Variants in MYL3 observed in about 807,000 individuals in gnomAD.
MYL3 encodes myosin light chain 3, also known as CMLC1.
In MYL3, 11 loss-of-function variants were observed where a neutral mutation model predicts 21.3. The ratio of observed to expected loss-of-function variants is 0.52; its 90% CI spans 0.32 to 0.85. The LOEUF (loss-of-function observed/expected upper bound fraction) is 0.85, where lower values mean the gene tolerates loss of function less well. Among genes scored for constraint, MYL3 ranks in the 40% least tolerant of loss-of-function variants. MYL3 has a pLI of 0.03. For synonymous variants in MYL3, 88 were observed against 91.6 expected (o/e 0.96, Z 0.22); for missense variants, 206 against 253.3 (o/e 0.81, Z 1.27).
intron 1 of MYL3, among the ~76,000 whole-genome samples, chr3:46,871,218 G>A (rs1242546382): frequency 6.6e-6 from 1 of 152,056 alleles, no homozygotes; most frequent in Non-Finnish European, 1.5e-5. Flanking sequence ...CAGAAATCAG[G>A]GAACCCTACC....
intron 1 of MYL3, chr3:46,880,927 C>G (rs2030517728): frequency 6.6e-6 from 1 of 152,140 alleles, no homozygotes; most frequent in Admixed American, 6.5e-5. Flanking sequence ...TTGCAGGCTC[C>G]GAGGAGCTCA....
rs1559520468 is a variant in MYL3, at chr3:46,860,924, A to G, written c.157+36T>C. 6.2e-7 allele frequency: 1 copy of G among 1,613,856 alleles called. No homozygotes were observed. The highest frequency in any genetic ancestry group is 8.5e-7 in the Non-Finnish European group (1 of 1,179,960). ...CCCTCAGACCAGGGAACCCCAGCCCAATCCTGCAACCCCTGGGTTCAAGAC... is the reference window on the plus strand; with the variant it reads ...CCCTCAGACCAGGGAACCCCAGCCCGATCCTGCAACCCCTGGGTTCAAGAC... On this transcript the variant is annotated intron_variant, in intron 2 of 6. Coordinates refer to ENST00000292327, the MANE Select transcript of MYL3 (RefSeq NM_000258.3). The surrounding 1 kb of genome is among the most constrained non-coding windows in gnomAD (Gnocchi z 4.6).
chr3:46,870,387 G>A (rs1702097656), intron 1 of MYL3, among the ~76,000 whole-genome samples: 2 of 151,912 alleles, frequency 1.3e-5, no homozygotes, highest in Admixed American at 1.3e-4. Flanking sequence ...ACAGGAGGGT[G>A]ACAAGAAGGC....
upstream of MYL3, among the ~76,000 whole-genome samples, chr3:46,866,793 C>T (rs887662347): frequency 6.6e-6 from 1 of 152,172 alleles, no homozygotes. Context: ...GACAGTAGTG[C>T]GGCCAGCAGC....
At chr3:46,862,379 G>A (rs773272937) in intron 1 of MYL3, among the ~76,000 whole-genome samples, 12 of 152,244 alleles carry the variant, frequency 7.9e-5, no homozygotes, top group Admixed American at 3.9e-4. Context: ...AGCAGAGTTG[G>A]GATTTGAACC....
At position 46,874,407 on chromosome 3, in the gene MYL3, A is replaced by G. The variant is rs2030074311; in HGVS notation, c.-218+7667T>C. Reference sequence around the variant, plus strand: ...GACCACCCACATAGAGGGTTCCTCCAGGCCTAACAGGGCAGGAGTGTCAGG... The same window carrying G: ...GACCACCCACATAGAGGGTTCCTCCGGGCCTAACAGGGCAGGAGTGTCAGG... On this transcript the variant is annotated intron_variant, in intron 1 of 3. Transcript: ENST00000431168. The surrounding 1 kb of genome is among the most constrained non-coding windows in gnomAD (Gnocchi z 4.1). 1.3e-5 allele frequency among the ~76,000 whole-genome samples: 2 copies of G among 152,146 alleles called. No homozygotes were observed. The highest frequency in any genetic ancestry group is 2.4e-5 in the African/African-American group (1 of 41,438).
At position 46,882,165 on chromosome 3, in the gene MYL3, G is replaced by A. The variant is rs2030623124; in HGVS notation, c.-309C>T. The A allele has an allele frequency of 6.6e-6, 1 of 151,406 alleles. No individual in the cohort carries two copies. The highest frequency in any genetic ancestry group is 1.5e-5 in the Non-Finnish European group (1 of 67,736). The allele number at this position is 151,406 out of a possible 1,614,324, so 9.4% of individuals were successfully genotyped here. On this transcript the variant is annotated 5_prime_UTR_variant, in exon 1 of 4. Coordinates refer to the MYL3 transcript ENST00000431168. The surrounding 1 kb of genome is among the most constrained non-coding windows in gnomAD (Gnocchi z 4.3). ...CTCCTCTCGGCCTCTCCACACTCCC[G>A]CGTCGGCGGCTGCGGAGGGGGTGGG...
In MYL3 at chr3:46,858,478, G is replaced by A. The variant is rs201289145; in HGVS notation, c.482-17C>T. The stretch of plus-strand genomic sequence containing the variant: ...GCCTCTCACCTGGCAGGAGTGGGAG[G>A]CTGAGTCAGCACCGTGCGTGCAGAG... On this transcript the variant is annotated splice_polypyrimidine_tract_variant and intron_variant, in intron 4 of 6. Transcript: ENST00000292327. 394 of 1,610,866 alleles carry A rather than the reference G, an allele frequency of 2.4e-4. No homozygotes were observed. Among genetic ancestry groups the A allele is most frequent in the Middle Eastern group, 3.3e-4 (2 of 6,084 alleles).
intron 1 of MYL3, among the ~76,000 whole-genome samples, chr3:46,862,547 G>A (rs1490278452): frequency 1.3e-5 from 2 of 152,204 alleles, no homozygotes; most frequent in African/African-American, 2.4e-5. Flanking sequence ...TCCCAGCCAA[G>A]AACAGGGAGC....
In MYL3 at chr3:46,861,890, C is replaced by T. The variant is rs575203342; in HGVS notation, c.130-903G>A. On this transcript the variant is annotated intron_variant, in intron 1 of 6. Transcript: ENST00000292327. The surrounding 1 kb of genome is among the most constrained non-coding windows in gnomAD (Gnocchi z 4.2). ...CCCCACCAATCTCCACAGTGCATGC[C>T]GGCACAGAGGGACACCCTGTTCAGG... 9.2e-5 allele frequency among the ~76,000 whole-genome samples: 14 copies of T among 152,308 alleles called. No homozygotes were observed. Among genetic ancestry groups the T allele is most frequent in the Non-Finnish European group, 1.3e-4 (9 of 68,022 alleles).
At chr3:46,873,787 A>C (rs1273740082) in intron 1 of MYL3, among the ~76,000 whole-genome samples, 1 of 152,166 alleles carries the variant, frequency 6.6e-6, no homozygotes, top group Non-Finnish European at 1.5e-5. Context: ...GACCTCCCCA[A>C]AAAGATCATG....
At chr3:46,863,811 G>A (rs569733578), upstream of MYL3, among the ~76,000 whole-genome samples, 4 of 152,286 alleles carry the variant, frequency 2.6e-5, no homozygotes, top group African/African-American at 9.6e-5. Flanking sequence ...TACATGCTAC[G>A]TGTTGTGTTG....
At chr3:46,858,748 G>T (rs1440084748) in intron 4 of MYL3, among the ~76,000 whole-genome samples, 2 of 152,140 alleles carry the variant, frequency 1.3e-5, no homozygotes, top group Non-Finnish European at 2.9e-5. Context: ...CCTTGGGGCA[G>T]CCCCTTGAGG....
At chr3:46,870,540 C>A in intron 1 of MYL3, among the ~76,000 whole-genome samples, 1 of 152,068 alleles carries the variant, frequency 6.6e-6, no homozygotes. Context: ...GGCCTTGCCT[C>A]CAGTGGCCAT....
chr3:46,860,846 G>A lies in MYL3; in HGVS notation c.158-21C>T, dbSNP rs1701985286. Reference sequence around the variant, plus strand: ...GAACTCTGCCAGGAGAGGGCAGTGAGCCACAGACACTCCCAGGGTCAGCCT... The same window carrying A: ...GAACTCTGCCAGGAGAGGGCAGTGAACCACAGACACTCCCAGGGTCAGCCT... On this transcript the variant is annotated intron_variant, in intron 2 of 6. Coordinates refer to ENST00000292327, the MANE Select transcript of MYL3 (RefSeq NM_000258.3). The surrounding 1 kb of genome is among the most constrained non-coding windows in gnomAD (Gnocchi z 4.6). 5 of 1,613,894 alleles carry A rather than the reference G, an allele frequency of 3.1e-6. No individual in the cohort carries two copies. Among genetic ancestry groups the A allele is most frequent in the Non-Finnish European group, 4.2e-6 (5 of 1,179,984 alleles).
chr3:46,868,145 C>T (rs1015684829), upstream of MYL3, among the ~76,000 whole-genome samples: 7 of 152,148 alleles, frequency 4.6e-5, no homozygotes, highest in Admixed American at 1.3e-4. Flanking sequence ...CAGGATGGGG[C>T]CCACCTCCCA....
chr3:46,875,516 G>C (rs1346021241), intron 1 of MYL3, among the ~76,000 whole-genome samples: 1 of 152,238 alleles, frequency 6.6e-6, no homozygotes, highest in Non-Finnish European at 1.5e-5. Flanking sequence ...CAGGAGCCTA[G>C]TCTGAGGAGA....
At chr3:46,858,157 T>C in intron 6 of MYL3, 56 bp from the exon 7 acceptor site, 1 of 1,508,222 alleles carries the variant, frequency 6.6e-7, no homozygotes, top group East Asian at 2.3e-5. Context: ...GGCAGCAGGA[T>C]GTCAAGTGAG....
upstream of MYL3, among the ~76,000 whole-genome samples, chr3:46,864,597 T>C (rs1300120526): frequency 1.3e-5 from 2 of 152,172 alleles, no homozygotes; most frequent in African/African-American, 4.8e-5. The surrounding 1 kb of genome is among the most constrained non-coding windows in gnomAD (Gnocchi z 4.7). Flanking sequence ...CTCTCTCCAA[T>C]GCTATTCCAC....
Sources: gnomAD v4.1 joint callset for allele counts (sites outside exome capture counted in the v4.1 genomes callset) on GRCh38, gnomAD v4.1.1 for gene constraint, Gnocchi (gnomAD v3.1) non-coding constraint, MANE v1.5 for transcripts, NCBI Gene and HGNC (gene_info 2026-07-23, HGNC 2026-07-21) for gene names.